Variants in MAD1L1 observed in about 807,000 individuals in gnomAD.
The protein encoded by MAD1L1 is mitotic arrest deficient 1 like 1.
MAD1L1 carries 95 observed loss-of-function variants against 96.9 expected under a neutral mutation model. The observed-to-expected ratio is 0.98, with a 90% CI of 0.83 to 1.16. MAD1L1 has a LOEUF of 1.16. MAD1L1 is among the 50% of genes most tolerant of loss of function. The pLI is 0.00. For synonymous variants in MAD1L1, 473 were observed against 396.6 expected (o/e 1.19, Z -2.29); for missense variants, 1,007 against 954.4 (o/e 1.06, Z -0.73).
intron 15 of MAD1L1, among the ~76,000 whole-genome samples, chr7:1,961,621 G>C (rs1258418947): frequency 1.3e-5 from 2 of 152,228 alleles, no homozygotes; most frequent in African/African-American, 4.8e-5. Flanking sequence ...AAATACAGGA[G>C]AAAATCTTGT....
intron 11 of MAD1L1, among the ~76,000 whole-genome samples, chr7:2,086,086 G>T (rs1241395713): frequency 2.0e-5 from 3 of 152,182 alleles, no homozygotes; most frequent in Admixed American, 2.0e-4. Context: ...GGGGGAGGAC[G>T]GCAAGACCCG....
At chr7:2,231,743 GTACTAC>G (rs899425299) in intron 1 of MAD1L1, among the ~76,000 whole-genome samples, 1 of 152,064 alleles carries the variant, frequency 6.6e-6, no homozygotes, top group Non-Finnish European at 1.5e-5. Context: ...ACATTAATAA[GTACTAC>G]TACTATTTTC....
intron 12 of MAD1L1, among the ~76,000 whole-genome samples, chr7:2,054,995 G>C (rs1003916529): frequency 6.6e-6 from 1 of 152,212 alleles, no homozygotes; most frequent in African/African-American, 2.4e-5. Context: ...GGTGGGGCCG[G>C]GACTCAGGGA....
chr7:2,030,897 C>T (rs955221970), intron 12 of MAD1L1, among the ~76,000 whole-genome samples: 1 of 152,196 alleles, frequency 6.6e-6, no homozygotes, highest in African/African-American at 2.4e-5. Context: ...CTCCCTTGTT[C>T]CCATTCCATC....
chr7:2,090,788 C>T (rs141393703), intron 11 of MAD1L1, among the ~76,000 whole-genome samples: 2,063 of 152,304 alleles, frequency 0.014, 38 homozygotes, highest in African/African-American at 0.047. Flanking sequence ...GCCCTCATCG[C>T]TCCGGGAAGG....
chr7:1,878,616 G>A (rs1785509100), intron 18 of MAD1L1, among the ~76,000 whole-genome samples: 1 of 150,674 alleles, frequency 6.6e-6, no homozygotes, highest in Non-Finnish European at 1.5e-5. Context: ...AAGTAGAACA[G>A]AAGGGAACTT....
At chr7:1,942,382 G>A (rs966290102) in intron 16 of MAD1L1, among the ~76,000 whole-genome samples, 6 of 152,246 alleles carry the variant, frequency 3.9e-5, no homozygotes, top group African/African-American at 1.2e-4. Context: ...CCAGCCTGCT[G>A]CTGTGACCAC....
chr7:1,899,058 C>T (rs993480805), intron 17 of MAD1L1, among the ~76,000 whole-genome samples: 10 of 152,202 alleles, frequency 6.6e-5, no homozygotes, highest in African/African-American at 1.9e-4. Flanking sequence ...GTCAGGCCAT[C>T]GTGAGACGAC....
intron 14 of MAD1L1, among the ~76,000 whole-genome samples, chr7:1,981,072 T>C (rs1015975931): frequency 6.6e-6 from 1 of 152,204 alleles, no homozygotes; most frequent in East Asian, 1.9e-4. Flanking sequence ...GTTCAAGTGA[T>C]TCTTCTGCCT....
intron 1 of MAD1L1, among the ~76,000 whole-genome samples, chr7:2,231,876 C>T (rs1172344348): frequency 6.6e-6 from 1 of 152,040 alleles, no homozygotes; most frequent in South Asian, 2.1e-4. Context: ...TTGTGGGGAA[C>T]GGGGCCAATA....
chr7:2,102,022 T>C (rs1322922810), intron 11 of MAD1L1, among the ~76,000 whole-genome samples: 1 of 152,018 alleles, frequency 6.6e-6, no homozygotes, highest in Non-Finnish European at 1.5e-5. Context: ...TGGACCCTCC[T>C]GTCTGACTCA....
intron 11 of MAD1L1, among the ~76,000 whole-genome samples, chr7:2,127,362 A>C (rs939568069): frequency 6.6e-6 from 1 of 152,200 alleles, no homozygotes; most frequent in African/African-American, 2.4e-5. Flanking sequence ...CTGATGGAGC[A>C]CCCAAGGGGC....
chr7:1,854,984 G>A (rs1014472636), intron 18 of MAD1L1, among the ~76,000 whole-genome samples: 1 of 152,212 alleles, frequency 6.6e-6, no homozygotes, highest in African/African-American at 2.4e-5. Context: ...GAGGCCCCGC[G>A]CCCACCGCTG....
chr7:1,990,721 G>A (rs1438155949), intron 14 of MAD1L1, among the ~76,000 whole-genome samples: 1 of 152,102 alleles, frequency 6.6e-6, no homozygotes, highest in Admixed American at 6.5e-5. Flanking sequence ...CTGGCCTCAC[G>A]AGCACCGCTG....
At chr7:2,231,200 T>C (rs1200927492) in intron 1 of MAD1L1, among the ~76,000 whole-genome samples, 1 of 151,546 alleles carries the variant, frequency 6.6e-6, no homozygotes, top group Non-Finnish European at 1.5e-5. Flanking sequence ...CAGGAGGCTG[T>C]GGCACAAGAA....
chr7:1,909,888 C>T (rs1389398780), intron 17 of MAD1L1, among the ~76,000 whole-genome samples: 1 of 152,334 alleles, frequency 6.6e-6, no homozygotes, highest in East Asian at 1.9e-4. Context: ...AGAAGACACT[C>T]GCCCTGGAAT....
chr7:1,886,759 T>C (rs1786058568), intron 18 of MAD1L1, among the ~76,000 whole-genome samples: 1 of 152,264 alleles, frequency 6.6e-6, no homozygotes, highest in African/African-American at 2.4e-5. Context: ...GCCAGGCACA[T>C]GGCACTGTGT....
chr7:2,069,595 A>AT (rs1785031809), intron 11 of MAD1L1, among the ~76,000 whole-genome samples: 1 of 152,256 alleles, frequency 6.6e-6, no homozygotes, highest in Admixed American at 6.5e-5. Context: ...CACAATGGGA[A>AT]AAATTGTCGG....
In MAD1L1 at chr7:2,060,231, A is replaced by T. The variant is rs1195073001; in HGVS notation, c.1218+8963T>A. 9.2e-5 allele frequency among the ~76,000 whole-genome samples: 11 copies of T among 120,150 alleles called. No homozygotes were observed. In the East Asian group the frequency reaches 2.1e-3, roughly 23 times the overall value. The allele number at this position is 120,150 out of a possible 152,430, so 78.8% of individuals were successfully genotyped here. ...GATGCCAAGTTACGCCGATGCCGAG[A>T]TACGCCGATGCCGAGATACGCCGAT... On this transcript the variant is annotated intron_variant, in intron 12 of 18. Coordinates refer to ENST00000265854, the MANE Select transcript of MAD1L1 (RefSeq NM_001013836.2).
Sources: allele counts gnomAD v4.1 joint callset (sites outside exome capture counted in the v4.1 genomes callset), GRCh38; gene constraint gnomAD v4.1.1; transcripts MANE v1.5; gene names NCBI Gene and HGNC (gene_info 2026-07-23, HGNC 2026-07-21).